The following STXBP5L variants were observed in gnomAD, a reference collection of about 807,000 sequenced individuals.
STXBP5L encodes syntaxin binding protein 5L.
Under a neutral mutation model 144.5 loss-of-function variants are expected in STXBP5L, and 65 were observed. That is an observed-to-expected ratio of 0.45 (90% CI 0.37 to 0.55). The LOEUF is 0.55. Ranked by LOEUF, STXBP5L falls within the 20% of genes least tolerant of loss-of-function variation. The pLI is 0.00. For missense variants in STXBP5L, 1,298 were observed against 1,405.5 expected, an observed-to-expected ratio of 0.92 and a Z score of 1.22; for synonymous variants, 505 against 469.6, an observed-to-expected ratio of 1.08 and a Z score of -0.97.
chr3:121,325,882 C>G (rs2044127958), intron 20 of STXBP5L, among the ~76,000 whole-genome samples: 1 of 151,762 alleles, frequency 6.6e-6, no homozygotes, highest in African/African-American at 2.4e-5. Flanking sequence ...GATTCTATAG[C>G]TTTCCCAAGG....
At chr3:121,211,045 G>C (rs1439981571) in intron 10 of STXBP5L, among the ~76,000 whole-genome samples, 2 of 152,132 alleles carry the variant, frequency 1.3e-5, no homozygotes, top group African/African-American at 4.8e-5. Context: ...TCACAATATT[G>C]ATTCTTCCTA....
At chr3:121,315,500 G>C (rs539136047) in intron 19 of STXBP5L, among the ~76,000 whole-genome samples, 1 of 122,884 alleles carries the variant, frequency 8.1e-6, no homozygotes, top group Non-Finnish European at 1.7e-5. Context: ...TGGGGAGGGG[G>C]GAGGGATAGC....
chr3:121,224,687 A>G (rs2049067993), intron 11 of STXBP5L, among the ~76,000 whole-genome samples: 2 of 152,176 alleles, frequency 1.3e-5, no homozygotes, highest in African/African-American at 4.8e-5. Context: ...GAAAGAGAGA[A>G]AGGTAAGTCT....
chr3:121,316,783 C>G lies in STXBP5L; in HGVS notation c.2111-1692C>G, dbSNP rs16832231. 8.0e-3 allele frequency among the ~76,000 whole-genome samples: 1,220 copies of G among 152,318 alleles called. 64 individuals carry two copies. Among genetic ancestry groups the G allele is most frequent in the Admixed American group, 0.07 (1,075 of 15,288 alleles). On this transcript the variant is annotated intron_variant, in intron 19 of 26. Transcript: ENST00000471454. ...ACCTTTCAGAGATCTGTAAAACACC[C>G]ACCTGTTAAATGGTCCCAGATCTCT...
chr3:121,271,115 T>A (rs570813716), intron 18 of STXBP5L, among the ~76,000 whole-genome samples: 22 of 152,320 alleles, frequency 1.4e-4, no homozygotes, highest in African/African-American at 5.3e-4. Context: ...CATTGGTTAT[T>A]CTCTGTTACC....
intron 20 of STXBP5L, among the ~76,000 whole-genome samples, chr3:121,320,704 T>A (rs1221354684): frequency 6.7e-6 from 1 of 148,920 alleles, no homozygotes; most frequent in Non-Finnish European, 1.5e-5. Context: ...GACCACACTT[T>A]TTTTTTTTTT....
chr3:121,114,833 T>C, intron 5 of STXBP5L, 92 bp from the exon 6 acceptor site: 2 of 769,658 alleles, frequency 2.6e-6, no homozygotes, highest in Non-Finnish European at 1.9e-6. Context: ...TTATTATTTA[T>C]ATAGCTATCA....
At chr3:121,257,137 A>G in intron 16 of STXBP5L, 24 bp from the exon 17 acceptor site, 1 of 1,536,548 alleles carries the variant, frequency 6.5e-7, no homozygotes, top group South Asian at 1.2e-5. Flanking sequence ...GACTTAAATT[A>G]AATTTAAACT....
chr3:121,370,559 G>A (rs572989696), intron 20 of STXBP5L, among the ~76,000 whole-genome samples: 1 of 152,302 alleles, frequency 6.6e-6, no homozygotes, highest in South Asian at 2.1e-4. Context: ...CTCTATAGCA[G>A]TGTGAGAATG....
At chr3:121,256,987 A>T (rs917685996) in intron 16 of STXBP5L, among the ~76,000 whole-genome samples, 174 bp from the exon 17 acceptor site, 1 of 152,042 alleles carries the variant, frequency 6.6e-6, no homozygotes, top group Non-Finnish European at 1.5e-5. Flanking sequence ...AGTATGAGAT[A>T]CTTCTCAACT....
chr3:121,398,362 C>T lies in STXBP5L; in HGVS notation c.2588-8881C>T, dbSNP rs190391767. Among the ~76,000 whole-genome samples, 1,458 of 152,328 alleles carry T rather than the reference C, an allele frequency of 9.6e-3. 8 individuals are homozygous for T. Among genetic ancestry groups the T allele is most frequent in the Middle Eastern group, 0.02 (6 of 294 alleles). The stretch of plus-strand genomic sequence containing the variant: ...GCTTTTGTGCAGCATAAATCTACTG[C>T]GGCACTACCGGCTGTGGTGGGGGAC... On this transcript the variant is annotated intron_variant, in intron 22 of 26. Transcript: ENST00000471454.
chr3:121,074,802 G>A lies in STXBP5L; in HGVS notation c.470+29267G>A, dbSNP rs138272851. ...AAGGAGATTTGTGCTTGCAATTTCT[G>A]GAGCAAGGCTTTTCCTAACAAGGGC... is the stretch of plus-strand genomic sequence containing the variant. On this transcript the variant is annotated intron_variant, in intron 5 of 26. Coordinates refer to ENST00000471454, the MANE Select transcript of STXBP5L (RefSeq NM_001308330.2). Among the ~76,000 whole-genome samples the A allele has an allele frequency of 7.1e-3, 1,086 of 152,200 alleles. 17 individuals are homozygous for A. Among genetic ancestry groups the A allele is most frequent in the African/African-American group, 0.025 (1,027 of 41,524 alleles).
Position 120,909,674 on chromosome 3 carries a change from T to C in STXBP5L, c.96T>C (p.Ala32=). Reference sequence around the variant, plus strand: ...GTGGCAGTAACAGTGGTGGTGGGGCTGGAAGTGGTTCCGTACATCCGGCGG... The same window carrying C: ...GTGGCAGTAACAGTGGTGGTGGGGCCGGAAGTGGTTCCGTACATCCGGCGG... ...SSSGSNSGGG[A]GSGSVHPAGT... The change falls in exon 2 of 27, where the codon GCT becomes GCC. Residue 32 remains alanine, a synonymous_variant. Coordinates refer to ENST00000471454, the MANE Select transcript of STXBP5L (RefSeq NM_001308330.2). 2 of 1,613,688 alleles carry C rather than the reference T, an allele frequency of 1.2e-6. No homozygotes were observed. The highest frequency in any genetic ancestry group is 1.7e-6 in the Non-Finnish European group (2 of 1,179,884).
chr3:121,011,148 C>G (rs1944744415), intron 3 of STXBP5L, among the ~76,000 whole-genome samples: 1 of 150,526 alleles, frequency 6.6e-6, no homozygotes, highest in Admixed American at 6.7e-5. Flanking sequence ...ACCTCATTAT[C>G]ATAGTCATTT....
chr3:121,131,920 G>C (rs1213802333), intron 7 of STXBP5L, among the ~76,000 whole-genome samples: 1 of 152,152 alleles, frequency 6.6e-6, no homozygotes, highest in Non-Finnish European at 1.5e-5. Context: ...ATTAACACCA[G>C]TAAGGAAATT....
intron 2 of STXBP5L, among the ~76,000 whole-genome samples, chr3:120,922,123 CTCG>C (rs1446726505): frequency 6.6e-6 from 1 of 151,594 alleles, no homozygotes; most frequent in Non-Finnish European, 1.5e-5. Context: ...TGTTTGTGTC[CTCG>C]TCAATTCCTT....
rs1168130031 is a variant in STXBP5L at position 121,059,267 on chromosome 3, AAGATCAGATGGTTGTAG to A, written c.470+13734_470+13750del. On this transcript the variant is annotated intron_variant, in intron 5 of 26. Transcript: ENST00000471454. ...TTGCTTGTTTTAGTCAGGTTTGTCA[AAGATCAGATGGTTGTAG>A]ATGTGTGGTGTTATTTCTGAGGCCT... 2.0e-5 allele frequency among the ~76,000 whole-genome samples: 3 copies of A among 152,140 alleles called. No individual in the cohort carries two copies. In the East Asian group the frequency reaches 5.8e-4, roughly 29 times the overall value.
chr3:121,093,763 C>G (rs1008518061), intron 5 of STXBP5L, among the ~76,000 whole-genome samples: 1 of 152,108 alleles, frequency 6.6e-6, no homozygotes, highest in Non-Finnish European at 1.5e-5. Context: ...TTTTGTGTCT[C>G]TATTTCCTTA....
Position 121,318,530 on chromosome 3 carries a change from T to G in STXBP5L, c.2166T>G (p.Ser722=). ...CCCTAGAACTTGAGCGCTGCAAGTC[T>G]CCTACCTCAGGTAAACATGAGTGGT... ...PVPLELERCK[S]PTSDHVNGHC... is the part of the protein sequence containing the mutation. Residue 722 remains serine, a synonymous_variant, in exon 20 of 27, where the codon TCT becomes TCG. Transcript: ENST00000471454. 1.9e-6 allele frequency: 3 copies of G among 1,555,526 alleles called. No individual in the cohort carries two copies. In the South Asian group the frequency reaches 3.7e-5, roughly 19 times the overall value.
Sources: allele counts gnomAD v4.1 joint callset (sites outside exome capture counted in the v4.1 genomes callset), GRCh38; gene constraint gnomAD v4.1.1; transcripts MANE v1.5; gene names NCBI Gene and HGNC (gene_info 2026-07-23, HGNC 2026-07-21).